The following TONSL variants were observed in gnomAD, a reference collection of about 807,000 sequenced individuals.
TONSL encodes tonsoku-like protein.
TONSL carries 112 observed loss-of-function variants against 147.1 expected under a neutral mutation model. The ratio of observed to expected loss-of-function variants is 0.76; its 90% CI spans 0.65 to 0.89. TONSL has a LOEUF of 0.89. TONSL is among the 40% of genes least tolerant of loss of function. The pLI is 0.00. For missense variants in TONSL, 1,883 were observed against 1,864.6 expected, an observed-to-expected ratio of 1.01 and a Z score of -0.18; for synonymous variants, 868 against 801.5, an observed-to-expected ratio of 1.08 and a Z score of -1.40.
chr8:144,436,671 G>T lies in TONSL; in HGVS notation c.1901C>A (p.Pro634Gln), dbSNP rs1329337480. The T allele has an allele frequency of 6.2e-7, 1 of 1,612,062 alleles. No individual in the cohort carries two copies. ...VTLRTRKGLS[P>Q]LETLQQWVKL... The stretch of plus-strand genomic sequence containing the variant: ...CACCCACTGCTGCAGCGTCTCCAGC[G>T]GGCTGAGGCCCTGTGTGGCATCAGT... The change falls in exon 16 of 26, where the codon CCG becomes CAG. Residue 634 changes from proline (P) to glutamine (Q), a missense_variant. Coordinates refer to ENST00000409379, the MANE Select transcript of TONSL (RefSeq NM_013432.5).
chr8:144,430,749 C>G (rs146984350), intron 24 of TONSL, among the ~76,000 whole-genome samples: 1 of 152,208 alleles, frequency 6.6e-6, no homozygotes, highest in Non-Finnish European at 1.5e-5. Flanking sequence ...GTGTGCCTGG[C>G]CCAGCTTGGG....
intron 17 of TONSL, 25 bp from the exon 18 acceptor site, chr8:144,435,575 G>T: frequency 6.4e-7 from 1 of 1,560,056 alleles, no homozygotes; most frequent in Non-Finnish European, 8.7e-7. Context: ...CAGCAGGGCT[G>T]AGTCAGGAGC....
At chr8:144,432,826 CAGTCTCTGCAGCCTG>C (rs1388365151) in intron 22 of TONSL, 110 of 182,282 alleles carry the variant, frequency 6.0e-4, no homozygotes, top group African/African-American at 2.5e-3. Flanking sequence ...ACTGGGACCC[CAGTCTCTGCAGCCTG>C]AGTGGGCTCA....
chr8:144,437,037 G>T lies in TONSL; in HGVS notation c.1716C>A (p.Tyr572Ter). ...CTGTCCCTTGCTCACCTAGATGCCC[G>T]TAGTTGCAGGCCTCGTGCAGAGGTG... is the stretch of plus-strand genomic sequence containing the variant. ...GWTPLHEACN[Y>*]GHLEIVRFLL... Residue 572 changes from tyrosine (Y) to a stop codon, truncating the protein, a stop_gained, in exon 14 of 26, where the codon TAC becomes TAA. Transcript: ENST00000409379. LOFTEE classifies it high-confidence loss of function. The T allele has an allele frequency of 6.2e-7, 1 of 1,613,326 alleles. No individual in the cohort carries two copies. Among genetic ancestry groups the T allele is most frequent in the South Asian group, 1.1e-5 (1 of 91,060 alleles).
chr8:144,429,086 G>A lies in TONSL; in HGVS notation c.*57C>T, dbSNP rs1823046661. ...TTACAGGCGTGAGCCACCGCGCCCG[G>A]CCAGCAGCTTCATTTATTAGGGGCT... On this transcript the variant is annotated 3_prime_UTR_variant, in exon 26 of 26. Transcript: ENST00000409379. 6.9e-7 allele frequency: 1 copy of A among 1,458,486 alleles called. No individual in the cohort carries two copies. Among genetic ancestry groups the A allele is most frequent in the Non-Finnish European group, 9.0e-7 (1 of 1,109,394 alleles). 90.3% of individuals were successfully genotyped at this position (1,458,486 alleles called of 1,614,324 possible). A position where few individuals can be genotyped will look rare whatever the true frequency, so the allele number is the denominator to read the frequency against.
Position 144,435,996 on chromosome 8 carries a change from C to T in TONSL, c.2437G>A (p.Gly813Ser), listed in dbSNP as rs751700747. Reference protein sequence around the residue: ...QSRLGPGPPRGHSKALAPQAA... With the variant: ...QSRLGPGPPRSHSKALAPQAA... ...TGGGGGGCAAGGGCTTTGCTGTGGC[C>T]CCGCGGTGGGCCAGGCCCCAGCCGG... is the stretch of plus-strand genomic sequence containing the variant. The change falls in exon 17 of 26, where the codon GGC becomes AGC. Residue 813 changes from glycine (G) to serine (S), a missense_variant. Transcript: ENST00000409379. The T allele has an allele frequency of 6.4e-7, 1 of 1,551,460 alleles. No homozygotes were observed. The highest frequency in any genetic ancestry group is 8.7e-7 in the Non-Finnish European group (1 of 1,151,384).
At chr8:144,437,961 G>A (rs1823542702) in intron 13 of TONSL, among the ~76,000 whole-genome samples, 2 of 152,162 alleles carry the variant, frequency 1.3e-5, no homozygotes, top group Admixed American at 6.5e-5. Flanking sequence ...GGAGTGCAGT[G>A]GCAAGATCAT....
Position 144,443,191 on chromosome 8 carries a change from T to C in TONSL, c.395A>G (p.Gln132Arg), listed in dbSNP as rs1040868756. The change falls in exon 4 of 26, where the codon CAG (glutamine) becomes CGG (arginine). Residue 132 changes from glutamine (Q) to arginine (R), a missense_variant. Coordinates refer to ENST00000409379, the MANE Select transcript of TONSL (RefSeq NM_013432.5). ...GCTCTTCTCAAAGGCAGCCTGTGCC[T>C]GCAGCAAAGCATCCCTCGACTGGCA... ...DHCQSRDALL[Q>R]AQAAFEKSLA... 2 of 1,550,792 alleles carry C rather than the reference T, an allele frequency of 1.3e-6. No homozygotes were observed. Among genetic ancestry groups the C allele is most frequent in the Admixed American group, 2.0e-5 (1 of 51,006 alleles).
chr8:144,439,836 G>A (rs919295594), intron 11 of TONSL, 185 bp downstream of exon 11: 2 of 554,734 alleles, frequency 3.6e-6, no homozygotes, highest in Admixed American at 3.6e-5. Flanking sequence ...AGGAGGCCAA[G>A]GCCGCCCCAG....
chr8:144,437,684 A>G (rs1586691004), intron 13 of TONSL: 1 of 153,562 alleles, frequency 6.5e-6, no homozygotes, highest in African/African-American at 2.4e-5. Flanking sequence ...TCTCACCGCA[A>G]CCTCCGCCTC....
At chr8:144,442,632 G>A in intron 5 of TONSL, 45 bp downstream of exon 5, 1 of 1,591,946 alleles carries the variant, frequency 6.3e-7, no homozygotes, top group Non-Finnish European at 8.6e-7. Flanking sequence ...ACTTCCTCCA[G>A]GAACAAGGGA....
chr8:144,432,233 G>A, intron 23 of TONSL, 52 bp downstream of exon 23: 1 of 1,591,160 alleles, frequency 6.3e-7, no homozygotes, highest in Non-Finnish European at 8.6e-7. Flanking sequence ...GCAACCCTGG[G>A]ACCTTTGGCC....
intron 4 of TONSL, 130 bp from the exon 5 acceptor site, chr8:144,442,936 T>A (rs777421565): frequency 2.4e-4 from 325 of 1,332,396 alleles, no homozygotes; most frequent in Non-Finnish European, 3.1e-4. Flanking sequence ...GCAAGTGTCC[T>A]GCGGCAGATG....
intron 4 of TONSL, 124 bp from the exon 5 acceptor site, chr8:144,442,930 G>T: frequency 7.3e-7 from 1 of 1,362,544 alleles, no homozygotes; most frequent in Non-Finnish European, 9.8e-7. Context: ...GTGGGTGCAA[G>T]TGTCCTGCGG....
intron 25 of TONSL, among the ~76,000 whole-genome samples, chr8:144,430,116 A>G (rs1212508135): frequency 6.6e-6 from 1 of 152,192 alleles, no homozygotes; most frequent in African/African-American, 2.4e-5. Context: ...GGACAAGAAG[A>G]AAGTCCCTGT....
chr8:144,444,422 T>C lies in TONSL; in HGVS notation c.-8A>G. 1 of 1,234,432 alleles carries C rather than the reference T, an allele frequency of 8.1e-7. No homozygotes were observed. Among genetic ancestry groups the C allele is most frequent in the Non-Finnish European group, 1.0e-6 (1 of 987,096 alleles). The allele number at this position is 1,234,432 out of a possible 1,614,324, so 76.5% of individuals were successfully genotyped here. A position where few individuals can be genotyped will look rare whatever the true frequency, so the allele number is the denominator to read the frequency against. ...CTCGCGCTCCAGGCTCATGCTCGGATCGCCGCGGGATCCGGACTTCCCGCG... is the reference window on the plus strand; with the variant it reads ...CTCGCGCTCCAGGCTCATGCTCGGACCGCCGCGGGATCCGGACTTCCCGCG... On this transcript the variant is annotated 5_prime_UTR_variant, in exon 1 of 26. Coordinates refer to ENST00000409379, the MANE Select transcript of TONSL (RefSeq NM_013432.5).
At chr8:144,429,360 C>T (rs1377471241) in intron 25 of TONSL, 24 bp from the exon 26 acceptor site, 6 of 1,385,628 alleles carry the variant, frequency 4.3e-6, no homozygotes, top group Non-Finnish European at 5.6e-6. Context: ...GAGGGCAGAC[C>T]TCAGCGCTGC....
intron 7 of TONSL, 65 bp downstream of exon 7, chr8:144,441,970 TCC>T: frequency 7.0e-7 from 1 of 1,419,784 alleles, no homozygotes; most frequent in Non-Finnish European, 9.9e-7. Flanking sequence ...CTGGCGGGAC[TCC>T]ACCCCGCCCC....
In TONSL at chr8:144,435,705, TG is replaced by T. The variant is rs1218504720; in HGVS notation, c.2727del (p.Arg910GlyfsTer98). ...ASEPPGSPSTPRVSEPSGDSS... is the reference protein window; with the variant it reads ...ASEPPGSPSTXRVSEPSGDSS... ...CTGTCCCCACTGGGCTCTGAGACCC[TG>T]GGGGTGCTGGGGCTCCCTGGAGGTT... On this transcript the variant is annotated frameshift_variant, in exon 17 of 26. Transcript: ENST00000409379. LOFTEE classifies it high-confidence loss of function. The T allele has an allele frequency of 6.2e-7, 1 of 1,611,572 alleles. No individual in the cohort carries two copies. The highest frequency in any genetic ancestry group is 2.2e-5 in the East Asian group (1 of 44,852).
Sources: gnomAD v4.1 joint callset for allele counts (sites outside exome capture counted in the v4.1 genomes callset) on GRCh38, gnomAD v4.1.1 for gene constraint, MANE v1.5 for transcripts, NCBI Gene and HGNC (gene_info 2026-07-23, HGNC 2026-07-21) for gene names.